INO80C: variants seen among roughly 807,000 people sequenced by gnomAD.
The protein encoded by INO80C is IES6 homolog.
INO80C carries 17 observed loss-of-function variants against 17.7 expected under a neutral mutation model. The ratio of observed to expected loss-of-function variants is 0.96; its 90% CI spans 0.66 to 1.44. The LOEUF is 1.44. Among genes scored for constraint, INO80C ranks in the 40% most tolerant of loss-of-function variants. The probability of loss-of-function intolerance (pLI) is 0.00; values close to 1 mark genes in which losing one functional copy is unlikely to be tolerated. For missense variants in INO80C, 244 were observed against 245.0 expected, an observed-to-expected ratio of 1.00 and a Z score of 0.03; for synonymous variants, 96 against 95.8, an observed-to-expected ratio of 1.00 and a Z score of -0.01.
At chr18:35,480,785 C>T (rs2045797700) in intron 1 of INO80C, among the ~76,000 whole-genome samples, 1 of 152,216 alleles carries the variant, frequency 6.6e-6, no homozygotes, top group African/African-American at 2.4e-5. Flanking sequence ...CCTCCAACTG[C>T]TATGTTTCCC....
rs1020995321 is a variant in INO80C, at chr18:35,480,711, G to A, written c.157-148C>T. ...GCTCCAGCAGGCAGCCTGCCCTAGGGGAGGGCACACCACACGGGGAGTAGC... is the reference window on the plus strand; with the variant it reads ...GCTCCAGCAGGCAGCCTGCCCTAGGAGAGGGCACACCACACGGGGAGTAGC... On this transcript the variant is annotated intron_variant, in intron 1 of 4. Transcript: ENST00000334598. 1.2e-5 allele frequency: 8 copies of A among 647,212 alleles called. No homozygotes were observed. The Admixed American group carries it at 1.3e-4, about 10-fold the overall frequency. The allele number at this position is 647,212 out of a possible 1,614,324, so 40.1% of individuals were successfully genotyped here.
At chr18:35,493,948 T>G (rs143667829) in intron 1 of INO80C, among the ~76,000 whole-genome samples, 1 of 152,196 alleles carries the variant, frequency 6.6e-6, no homozygotes, top group Non-Finnish European at 1.5e-5. Flanking sequence ...CAATCATTTA[T>G]AGAAAAACAC....
intron 4 of INO80C, among the ~76,000 whole-genome samples, chr18:35,477,403 C>G (rs1010745009): frequency 6.6e-6 from 1 of 152,142 alleles, no homozygotes; most frequent in African/African-American, 2.4e-5. Context: ...AGGCAATTCT[C>G]CTCCGTACAT....
At chr18:35,483,233 A>G (rs1369735916) in intron 1 of INO80C, among the ~76,000 whole-genome samples, 1 of 152,060 alleles carries the variant, frequency 6.6e-6, no homozygotes, top group Non-Finnish European at 1.5e-5. Context: ...TATAGTCATC[A>G]TATTTCTACC....
intron 1 of INO80C, among the ~76,000 whole-genome samples, chr18:35,496,020 T>C (rs1010752552): frequency 6.6e-6 from 1 of 152,202 alleles, no homozygotes; most frequent in Non-Finnish European, 1.5e-5. Context: ...ATACTCTGTA[T>C]TGTTGAGGAT....
intron 4 of INO80C, among the ~76,000 whole-genome samples, chr18:35,477,942 T>C (rs1426382753): frequency 3.9e-5 from 6 of 152,248 alleles, no homozygotes; most frequent in Non-Finnish European, 5.9e-5. Context: ...AGTTTAAACA[T>C]GGTTTTGTAA....
chr18:35,484,141 T>C (rs1381288493), intron 1 of INO80C, among the ~76,000 whole-genome samples: 1 of 152,160 alleles, frequency 6.6e-6, no homozygotes, highest in Non-Finnish European at 1.5e-5. Flanking sequence ...TAAGTTTGTT[T>C]CTCACAGGGG....
intron 3 of INO80C, 78 bp from the exon 4 acceptor site, chr18:35,478,427 G>A: frequency 8.8e-7 from 1 of 1,131,490 alleles, no homozygotes; most frequent in African/African-American, 1.6e-5. Context: ...TTCTAAAATA[G>A]TATTTGATAA....
chr18:35,494,525 G>C (rs146948106), intron 1 of INO80C, among the ~76,000 whole-genome samples: 1 of 152,352 alleles, frequency 6.6e-6, no homozygotes, highest in East Asian at 1.9e-4. Flanking sequence ...AGCTGGCTCT[G>C]AAAATGGAAA....
At chr18:35,492,631 T>C (rs892276422) in intron 1 of INO80C, among the ~76,000 whole-genome samples, 3 of 152,236 alleles carry the variant, frequency 2.0e-5, no homozygotes, top group Non-Finnish European at 4.4e-5. Flanking sequence ...TTTTGTGTTT[T>C]ACAAAAGTTG....
Position 35,497,898 on chromosome 18 carries a change from C to T in INO80C, c.-24G>A, listed in dbSNP as rs202020627. The stretch of plus-strand genomic sequence containing the variant: ...ATCGCACTCCGAGTCTTCCCCTGGT[C>T]CCCCCACCTTTTTCCCAGCGCGGGC... On this transcript the variant is annotated 5_prime_UTR_variant, in exon 1 of 5. Coordinates refer to ENST00000334598, the MANE Select transcript of INO80C (RefSeq NM_194281.4). 14 of 1,514,072 alleles carry T rather than the reference C, an allele frequency of 9.2e-6. No homozygotes were observed. The highest frequency in any genetic ancestry group is 4.3e-5 in the African/African-American group (3 of 69,516). 93.8% of individuals were successfully genotyped at this position (1,514,072 alleles called of 1,614,324 possible).
chr18:35,478,537 CAGGCCA>C (rs1289957266), intron 3 of INO80C, among the ~76,000 whole-genome samples, 188 bp from the exon 4 acceptor site: 3 of 152,116 alleles, frequency 2.0e-5, no homozygotes, highest in Non-Finnish European at 4.4e-5. Flanking sequence ...CAGTATGTCA[CAGGCCA>C]AGTGCAGGCT....
chr18:35,482,810 C>T (rs2045828651), intron 1 of INO80C, among the ~76,000 whole-genome samples: 1 of 152,152 alleles, frequency 6.6e-6, no homozygotes, highest in African/African-American at 2.4e-5. Context: ...TATCTGGTAA[C>T]TTCCTGAGCT....
chr18:35,473,025 T>C (rs1334557063), intron 4 of INO80C, among the ~76,000 whole-genome samples: 1 of 152,164 alleles, frequency 6.6e-6, no homozygotes, highest in Non-Finnish European at 1.5e-5. Flanking sequence ...GCCAATGTCA[T>C]AAAGGGGCCT....
chr18:35,481,116 C>G (rs903877094), intron 1 of INO80C, among the ~76,000 whole-genome samples: 1 of 152,164 alleles, frequency 6.6e-6, no homozygotes, highest in Non-Finnish European at 1.5e-5. Flanking sequence ...CAGACTGGAG[C>G]TGGTATGCTT....
intron 1 of INO80C, among the ~76,000 whole-genome samples, chr18:35,486,216 G>C (rs1256789993): frequency 2.6e-5 from 4 of 152,106 alleles, no homozygotes; most frequent in Non-Finnish European, 5.9e-5. Flanking sequence ...GCTCTGTCAC[G>C]GATAAATCTT....
intron 2 of INO80C, 80 bp from the exon 3 acceptor site, chr18:35,479,491 A>G: frequency 5.0e-6 from 4 of 805,682 alleles, no homozygotes; most frequent in African/African-American, 3.4e-5. Context: ...ATGCCTAATC[A>G]TAACTGTAAT....
rs141469339 is a variant in INO80C at position 35,480,544 on chromosome 18, A to C, written c.176T>G (p.Met59Arg). The C allele has an allele frequency of 6.2e-7, 1 of 1,612,554 alleles. No individual in the cohort carries two copies. The highest frequency in any genetic ancestry group is 2.2e-5 in the East Asian group (1 of 44,882). Residue 59 changes from methionine to arginine, a missense_variant, in exon 2 of 5, where the codon ATG becomes AGG. Coordinates refer to ENST00000334598, the MANE Select transcript of INO80C (RefSeq NM_194281.4). The part of the protein sequence containing the change: ...SFAQGISMEA[M>R]SENKMVPSEF... ...AGAGGGCACCATTTTATTCTCACTC[A>C]TGGCTTCCATGCTGATACCCTTAAA...
intron 1 of INO80C, among the ~76,000 whole-genome samples, chr18:35,482,581 T>C (rs930749934): frequency 6.6e-6 from 1 of 152,126 alleles, no homozygotes; most frequent in Admixed American, 6.6e-5. Context: ...GGCCGCCACC[T>C]TCTGTCTGGA....
Sources: gnomAD v4.1 joint callset for allele counts (sites outside exome capture counted in the v4.1 genomes callset) on GRCh38, gnomAD v4.1.1 for gene constraint, MANE v1.5 for transcripts, NCBI Gene and HGNC (gene_info 2026-07-23, HGNC 2026-07-21) for gene names.